CHD4: variants seen among roughly 807,000 people sequenced by gnomAD.
The protein encoded by CHD4 is chromodomain helicase DNA binding protein 4, also known as ATP-dependent chromatin remodeler CHD4.
A neutral mutation model predicts 235.5 loss-of-function variants in CHD4; 35 were observed. That is an observed-to-expected ratio of 0.15 (90% CI 0.11 to 0.20). The LOEUF (loss-of-function observed/expected upper bound fraction) is 0.20, where lower values mean the gene tolerates loss of function less well. Among genes scored for constraint, CHD4 ranks in the 10% least tolerant of loss-of-function variants. The pLI, the probability that CHD4 is intolerant of heterozygous loss-of-function variation, is 1.00. For synonymous variants in CHD4, 900 were observed against 850.2 expected (o/e 1.06, Z -1.02); for missense variants, 1,329 against 2,432.3 (o/e 0.55, Z 9.54).
chr12:6,587,492 C>G lies in CHD4; in HGVS notation c.3771G>C (p.Leu1257=). Residue 1257 remains leucine (L), a synonymous_variant, in exon 25 of 40, where the codon CTG becomes CTC. Transcript: ENST00000544040. ...CAGTCTCATCCTGGTTACGGTCTAG[C>G]AGCCGTTCAATGGCCTTATCATCGT... ...IHYDDKAIER[L]LDRNQDETED... 6.2e-7 allele frequency: 1 copy of G among 1,614,186 alleles called. No homozygotes were observed. Among genetic ancestry groups the G allele is most frequent in the Non-Finnish European group, 8.5e-7 (1 of 1,180,034 alleles).
At chr12:6,594,681 G>A (rs748999342) in intron 14 of CHD4, 31 bp from the exon 15 acceptor site, 20 of 1,591,208 alleles carry the variant, frequency 1.3e-5, no homozygotes, top group Admixed American at 5.1e-5. Context: ...GTCAAGAGCT[G>A]GCAAGGAACT....
rs1445461108 is a variant in CHD4, at chr12:6,587,495, C to T, written c.3768G>A (p.Arg1256=). Residue 1256 remains arginine, a synonymous_variant, in exon 25 of 40, where the codon CGG becomes CGA. Coordinates refer to ENST00000544040, the MANE Select transcript of CHD4 (RefSeq NM_001273.5). ...VIHYDDKAIE[R]LLDRNQDETE... ...TCTCATCCTGGTTACGGTCTAGCAG[C>T]CGTTCAATGGCCTTATCATCGTAGT... The T allele has an allele frequency of 1.2e-6, 2 of 1,614,168 alleles. No homozygotes were observed. Among genetic ancestry groups the T allele is most frequent in the East Asian group, 2.2e-5 (1 of 44,888 alleles).
chr12:6,606,731 G>C (rs1360638802), intron 1 of CHD4: 1 of 181,210 alleles, frequency 5.5e-6, no homozygotes, highest in Non-Finnish European at 1.1e-5. Context: ...TGACGGGGGA[G>C]GGGGTCCGAG....
Position 6,602,002 on chromosome 12 carries a change from C to G in CHD4, c.396G>C (p.Arg132=). 1 of 1,610,892 alleles carries G rather than the reference C, an allele frequency of 6.2e-7. No individual in the cohort carries two copies. Among genetic ancestry groups the G allele is most frequent in the Non-Finnish European group, 8.5e-7 (1 of 1,179,978 alleles). ...CATCCTCCTCCTCCTCCTCCTCCTT[C>G]CGCTTGGATTTGCTCTTCTTCTCTT... ...PKKEKKSKSK[R]KEEEEEEDDD... Residue 132 remains arginine (R), a synonymous_variant, in exon 4 of 40, where the codon CGG becomes CGC. Transcript: ENST00000544040.
chr12:6,602,547 A>G (rs1948616233), intron 2 of CHD4, 50 bp from the exon 3 acceptor site: 1 of 1,602,640 alleles, frequency 6.2e-7, no homozygotes, highest in Non-Finnish European at 8.5e-7. Context: ...TCAATAGCAA[A>G]AGGTTAGGCC....
intron 2 of CHD4, among the ~76,000 whole-genome samples, chr12:6,605,443 G>A (rs775981812): frequency 3.3e-5 from 5 of 152,116 alleles, no homozygotes; most frequent in African/African-American, 4.8e-5. Flanking sequence ...ATCAGACAGG[G>A]TGGTTACAAC....
chr12:6,591,449 A>T lies in CHD4; in HGVS notation c.3340+17T>A. 6.3e-7 allele frequency: 1 copy of T among 1,598,430 alleles called. No homozygotes were observed. On this transcript the variant is annotated intron_variant, in intron 22 of 39. Coordinates refer to ENST00000544040, the MANE Select transcript of CHD4 (RefSeq NM_001273.5). ...CAAATGAGGATTCCTGAAACTAAACAACTCCTTCTCTCTCACCATTGAAGC... is the reference window on the plus strand; with the variant it reads ...CAAATGAGGATTCCTGAAACTAAACTACTCCTTCTCTCTCACCATTGAAGC...
intron 22 of CHD4, among the ~76,000 whole-genome samples, chr12:6,590,652 C>CTACAAAAAAATTT: frequency 6.6e-6 from 1 of 152,138 alleles, no homozygotes; most frequent in South Asian, 2.1e-4. Context: ...GACCCCATCT[C>CTACAAAAAAATTT]TACAAAAAAA....
At chr12:6,570,759 T>C in intron 39 of CHD4, 66 bp from the exon 40 acceptor site, 1 of 1,612,926 alleles carries the variant, frequency 6.2e-7, no homozygotes, top group South Asian at 1.1e-5. Context: ...TCAAGGGAAT[T>C]CACTGATAGG....
rs773003594 is a variant in CHD4 at position 6,592,770 on chromosome 12, C to T, written c.2700G>A (p.Leu900=). The T allele has an allele frequency of 1.9e-6, 3 of 1,613,804 alleles. No homozygotes were observed. The South Asian group carries it at 3.3e-5, about 18-fold the overall frequency. The change falls in exon 18 of 40, where the codon CTG becomes CTA. Residue 900 remains leucine, a synonymous_variant. Transcript: ENST00000544040. ...GATTGTTTTGTAATGGTGTCCCAGT[C>T]AGCAACAGCTTGTGCTGGAGTGAGT... is the stretch of plus-strand genomic sequence containing the variant. ...NGYSLQHKLL[L]TGTPLQNNLE...
intron 28 of CHD4, 24 bp downstream of exon 28, chr12:6,582,824 T>G (rs1196263520): frequency 1.9e-6 from 3 of 1,613,928 alleles, no homozygotes; most frequent in Non-Finnish European, 2.5e-6. Flanking sequence ...CACTCACCCC[T>G]CCTTAGAATC....
chr12:6,586,380 G>A (rs572076697), intron 25 of CHD4, among the ~76,000 whole-genome samples: 36 of 152,190 alleles, frequency 2.4e-4, no homozygotes, highest in African/African-American at 8.7e-4. Flanking sequence ...CAGCCTGGGG[G>A]AGAGAGTGAG....
In CHD4 at chr12:6,597,916, T is replaced by C; in HGVS notation, c.1870A>G (p.Ile624Val). ...RYGIKPEWMM[I>V]HRILNHSVDK... ...TACCTGTGGTTGAGGATTCGGTGGA[T>C]CATCATCCACTCGGGTTTTATCCCA... is the stretch of plus-strand genomic sequence containing the variant. The change falls in exon 12 of 40, where the codon ATC becomes GTC. Residue 624 changes from isoleucine to valine, a missense_variant. By Grantham distance (29) the Ile-to-Val change is conservative (BLOSUM62 3). Around this residue, in one of 26 missense-constraint regions of CHD4, gnomAD observed 121 missense variants for 177.8 expected, o/e 0.68. Coordinates refer to ENST00000544040, the MANE Select transcript of CHD4 (RefSeq NM_001273.5). 5 of 1,614,194 alleles carry C rather than the reference T, an allele frequency of 3.1e-6. No individual in the cohort carries two copies. The highest frequency in any genetic ancestry group is 4.2e-6 in the Non-Finnish European group (5 of 1,180,028).
intron 33 of CHD4, among the ~76,000 whole-genome samples, chr12:6,580,005 G>C (rs1436744744): frequency 5.6e-5 from 8 of 142,748 alleles, no homozygotes; most frequent in Admixed American, 3.6e-4. Context: ...GCAGTGAGCC[G>C]AGATGGCGCC....
rs528120328 is a variant in CHD4 at position 6,606,308 on chromosome 12, T to G, written c.66A>C (p.Ala22=). 1.3e-6 allele frequency: 2 copies of G among 1,584,472 alleles called. No homozygotes were observed. Among genetic ancestry groups the G allele is most frequent in the Non-Finnish European group, 1.7e-6 (2 of 1,167,242 alleles). ...SAGSEEEDMD[A]LLNNSLPPPH... is the part of the protein sequence containing the mutation. Reference sequence around the variant, plus strand: ...GTGGGGGCAGGCTGTTGTTCAAAAGTGCATCCATATCCTCCTCCTCACTGC... The same window carrying G: ...GTGGGGGCAGGCTGTTGTTCAAAAGGGCATCCATATCCTCCTCCTCACTGC... Residue 22 remains alanine (A), a synonymous_variant, in exon 2 of 40, where the codon GCA becomes GCC. Transcript: ENST00000544040.
chr12:6,593,998 G>A lies in CHD4; in HGVS notation c.2314-382C>T, dbSNP rs1948443328. On this transcript the variant is annotated intron_variant, in intron 15 of 39. Transcript: ENST00000544040. This position sits in a 1 kb window ranked among gnomAD's most constrained non-coding sequence, Gnocchi z 4.9. ...TTACAGGCGTGCACCACCACATCCGGCTAATTTTGTATTTTTAGTAGAGAC... is the reference window on the plus strand; with the variant it reads ...TTACAGGCGTGCACCACCACATCCGACTAATTTTGTATTTTTAGTAGAGAC... 6.6e-6 allele frequency among the ~76,000 whole-genome samples: 1 copy of A among 152,118 alleles called. No homozygotes were observed. The highest frequency in any genetic ancestry group is 2.4e-5 in the African/African-American group (1 of 41,408).
intron 33 of CHD4, chr12:6,580,184 G>C (rs1216693394): frequency 1.3e-5 from 2 of 151,592 alleles, no homozygotes; most frequent in African/African-American, 4.9e-5. Flanking sequence ...CAGAGATCGT[G>C]CCACTGCACT....
intron 25 of CHD4, chr12:6,583,977 C>T (rs1948238896): frequency 6.6e-6 from 1 of 152,078 alleles, no homozygotes; most frequent in South Asian, 2.1e-4. Flanking sequence ...CTGCTAATAG[C>T]ATAACATTAG....
In CHD4 at chr12:6,600,940, G is replaced by T; in HGVS notation, c.913C>A (p.Arg305Ser). ...KIKLGGFGSK[R>S]KRSSSEDDDL... ...TGGGCTCTCACCGAGGATCTCTTAC[G>T]CTTGGAACCAAAACCTCCCAGCTTG... is the stretch of plus-strand genomic sequence containing the variant. Residue 305 changes from arginine to serine, a missense_variant, in exon 7 of 40, where the codon CGT becomes AGT. Around this residue, in one of 26 missense-constraint regions of CHD4, gnomAD observed 160 missense variants for 196.6 expected, o/e 0.81. Transcript: ENST00000544040. The T allele has an allele frequency of 6.3e-7, 1 of 1,595,678 alleles. No individual in the cohort carries two copies. The highest frequency in any genetic ancestry group is 8.5e-7 in the Non-Finnish European group (1 of 1,173,182).
Sources: allele counts gnomAD v4.1 joint callset (sites outside exome capture counted in the v4.1 genomes callset), GRCh38; gene constraint gnomAD v4.1.1; regional missense constraint gnomAD v4.1.1; non-coding constraint Gnocchi (gnomAD v3.1); transcripts MANE v1.5; gene names NCBI Gene and HGNC (gene_info 2026-07-23, HGNC 2026-07-21).